The following FANCD2 variants were observed in gnomAD, a reference collection of about 807,000 sequenced individuals.
The protein encoded by FANCD2 is Fanconi anemia group D2 protein.
A neutral mutation model predicts 192.3 loss-of-function variants in FANCD2; 131 were observed. The ratio of observed to expected loss-of-function variants is 0.68; its 90% CI spans 0.59 to 0.79. The LOEUF is 0.79. Ranked by LOEUF, FANCD2 falls within the 30% of genes least tolerant of loss-of-function variation. The pLI is 0.00. For missense variants in FANCD2, 1,508 were observed against 1,701.6 expected, an observed-to-expected ratio of 0.89 and a Z score of 2.00; for synonymous variants, 524 against 612.5, an observed-to-expected ratio of 0.86 and a Z score of 2.13.
intron 22 of FANCD2, 99 bp downstream of exon 22, chr3:10,064,528 C>T (rs1402003081): frequency 1.7e-5 from 22 of 1,317,086 alleles, no homozygotes; most frequent in Non-Finnish European, 2.2e-5. Context: ...ACCTCAGCCA[C>T]AGCTGCCCAG....
chr3:10,078,249 G>A (rs376427490), intron 30 of FANCD2, 52 bp downstream of exon 30: 40 of 1,219,614 alleles, frequency 3.3e-5, no homozygotes, highest in African/African-American at 1.6e-4. Flanking sequence ...TGGGAACAAA[G>A]GAGGTATTAT....
intron 40 of FANCD2, among the ~76,000 whole-genome samples, chr3:10,094,581 G>A (rs535413851): frequency 6.6e-6 from 1 of 152,092 alleles, no homozygotes; most frequent in Non-Finnish European, 1.5e-5. Context: ...TTCTTCTCCA[G>A]ATCTGACAGT....
intron 43 of FANCD2, chr3:10,099,246 C>T (rs1695160323): frequency 7.6e-7 from 1 of 1,311,408 alleles, no homozygotes; most frequent in South Asian, 1.7e-5. Context: ...GAAGCTGCCA[C>T]CTTAGAGAAC....
intron 18 of FANCD2, chr3:10,057,908 A>C: frequency 4.8e-6 from 1 of 209,738 alleles, no homozygotes; most frequent in Non-Finnish European, 1.0e-5. Flanking sequence ...GATCTATTAA[A>C]GTATGGTACA....
intron 34 of FANCD2, 97 bp downstream of exon 34, chr3:10,087,361 G>A (rs902006129): frequency 8.5e-7 from 1 of 1,182,720 alleles, no homozygotes; most frequent in Non-Finnish European, 1.2e-6. Context: ...ATTTTTACAT[G>A]TAAATCCCCA....
chr3:10,041,582 C>A, intron 9 of FANCD2, 41 bp from the exon 10 acceptor site: 2 of 1,378,744 alleles, frequency 1.5e-6, no homozygotes, highest in South Asian at 2.3e-5. Context: ...CAGCTCTGTT[C>A]AAACCATTAT....
At chr3:10,042,186 G>C (rs183296350) in intron 10 of FANCD2, among the ~76,000 whole-genome samples, 1 of 151,964 alleles carries the variant, frequency 6.6e-6, no homozygotes, top group South Asian at 2.1e-4. Context: ...TTGAGCCACC[G>C]TGCCTGGCCC....
Position 10,085,665 on chromosome 3 carries a change from C to T in FANCD2, c.3225-147C>T, listed in dbSNP as rs971793911. 1.2e-5 allele frequency: 8 copies of T among 680,752 alleles called. No individual in the cohort carries two copies. In the African/African-American group the frequency reaches 1.4e-4, roughly 12 times the overall value. 42.2% of individuals were successfully genotyped at this position (680,752 alleles called of 1,614,324 possible). A position where few individuals can be genotyped will look rare whatever the true frequency, so the allele number is the denominator to read the frequency against. On this transcript the variant is annotated intron_variant, in intron 32 of 43. Transcript: ENST00000675286. Reference sequence around the variant, plus strand: ...TCAGCCTCCCGAAGTGCTGGGATTACAGGTGTGAGCCACCACGCCCGACCT... The same window carrying T: ...TCAGCCTCCCGAAGTGCTGGGATTATAGGTGTGAGCCACCACGCCCGACCT...
chr3:10,032,047 G>A (rs534523335), intron 2 of FANCD2, among the ~76,000 whole-genome samples: 40 of 152,202 alleles, frequency 2.6e-4, no homozygotes, highest in Admixed American at 1.2e-3. Flanking sequence ...GTTTCACCAC[G>A]TTAGCCAGGC....
chr3:10,069,493 CGT>C (rs2087816978), intron 26 of FANCD2, among the ~76,000 whole-genome samples: 58 of 134,246 alleles, frequency 4.3e-4, no homozygotes, highest in African/African-American at 8.6e-4. Flanking sequence ...CCCCCTCTCC[CGT>C]CTCCCTCTGA....
chr3:10,064,311 C>T (rs766364633), intron 21 of FANCD2, 45 bp from the exon 22 acceptor site: 15 of 1,272,806 alleles, frequency 1.2e-5, no homozygotes, highest in Non-Finnish European at 1.7e-5. Flanking sequence ...GGCTGTACAG[C>T]AAGTACACTC....
intron 18 of FANCD2, among the ~76,000 whole-genome samples, chr3:10,054,579 G>A (rs2087351070): frequency 7.6e-6 from 1 of 132,192 alleles, no homozygotes; most frequent in Non-Finnish European, 1.5e-5. Flanking sequence ...CGCCTCCCAG[G>A]TTCCCGCCAT....
Position 10,092,168 on chromosome 3 carries a change from T to C in FANCD2, c.3778-13T>C. On this transcript the variant is annotated splice_polypyrimidine_tract_variant and intron_variant, in intron 37 of 43. Coordinates refer to ENST00000675286, the MANE Select transcript of FANCD2 (RefSeq NM_001018115.3). ...CTGTGACTCAGAGGTGCCCATATAT[T>C]TGGCTGCCCCAGATTCATGAAGAGA... 1 of 1,607,686 alleles carries C rather than the reference T, an allele frequency of 6.2e-7. No individual in the cohort carries two copies. Among genetic ancestry groups the C allele is most frequent in the Non-Finnish European group, 8.5e-7 (1 of 1,174,130 alleles).
intron 9 of FANCD2, 77 bp downstream of exon 9, chr3:10,039,922 A>G (rs2086823033): frequency 1.3e-6 from 2 of 1,548,046 alleles, no homozygotes; most frequent in South Asian, 2.2e-5. Flanking sequence ...AAAGAGCAGT[A>G]GTAATATGGT....
At chr3:10,098,386 G>GA (rs1474712338) in intron 42 of FANCD2, among the ~76,000 whole-genome samples, 3 of 152,108 alleles carry the variant, frequency 2.0e-5, no homozygotes, top group Non-Finnish European at 4.4e-5. Context: ...ATAGTGCTTA[G>GA]ATACCTTAAG....
chr3:10,089,285 CA>C (rs762191428), intron 36 of FANCD2, among the ~76,000 whole-genome samples: 44 of 141,092 alleles, frequency 3.1e-4, no homozygotes, highest in Admixed American at 2.1e-4. Flanking sequence ...AACTCCATCT[CA>C]AAAAAAAAAA....
chr3:10,100,144 C>T (rs909015921), intron 43 of FANCD2, among the ~76,000 whole-genome samples: 2 of 152,200 alleles, frequency 1.3e-5, no homozygotes, highest in Admixed American at 1.3e-4. Context: ...GCCATCATCA[C>T]ACTCCAGCCT....
chr3:10,056,696 C>A (rs2087422256), intron 18 of FANCD2, among the ~76,000 whole-genome samples: 1 of 151,580 alleles, frequency 6.6e-6, no homozygotes, highest in Admixed American at 6.6e-5. Context: ...CTCCCCAGGC[C>A]CTATTTTTTA....
At chr3:10,089,830 G>C (rs1279535704) in intron 36 of FANCD2, among the ~76,000 whole-genome samples, 1 of 152,196 alleles carries the variant, frequency 6.6e-6, no homozygotes, top group Non-Finnish European at 1.5e-5. Flanking sequence ...ATGGGTGTGT[G>C]TCTCAGAATA....
Sources: allele counts gnomAD v4.1 joint callset (sites outside exome capture counted in the v4.1 genomes callset), GRCh38; gene constraint gnomAD v4.1.1; transcripts MANE v1.5; gene names NCBI Gene and HGNC (gene_info 2026-07-23, HGNC 2026-07-21).